RIMBP2: variants seen among roughly 807,000 people sequenced by gnomAD.
RIMBP2 encodes the protein RIMS binding protein 2, also known as RIMS-binding protein 2.
RIMBP2 carries 48 observed loss-of-function variants against 118.6 expected under a neutral mutation model. The observed-to-expected ratio is 0.40, with a 90% confidence interval of 0.32 to 0.51. The LOEUF is 0.51. Among genes scored for constraint, RIMBP2 ranks in the 20% least tolerant of loss-of-function variants. The pLI is 0.41. For synonymous variants in RIMBP2, 762 were observed against 742.9 expected (o/e 1.03, Z -0.42); for missense variants, 1,551 against 1,768.3 (o/e 0.88, Z 2.20).
chr12:130,604,303 A>G (rs1489644885), intron 2 of RIMBP2, among the ~76,000 whole-genome samples: 2 of 151,780 alleles, frequency 1.3e-5, no homozygotes, highest in Non-Finnish European at 2.9e-5. Flanking sequence ...AAAAAAAAAA[A>G]AAAAACCTCA....
intron 1 of RIMBP2, among the ~76,000 whole-genome samples, chr12:130,666,363 A>G (rs2063916211): frequency 6.6e-6 from 1 of 152,104 alleles, no homozygotes; most frequent in Non-Finnish European, 1.5e-5. Context: ...TTACCCACCA[A>G]TGCCACTGAT....
chr12:130,453,084 CA>C (rs1298953095), intron 7 of RIMBP2, among the ~76,000 whole-genome samples: 1 of 152,096 alleles, frequency 6.6e-6, no homozygotes, highest in South Asian at 2.1e-4. Context: ...AAATATAGGT[CA>C]AAAAAATGTT....
At chr12:130,409,110 T>C (rs182492267) in intron 19 of RIMBP2, among the ~76,000 whole-genome samples, 227 of 152,312 alleles carry the variant, frequency 1.5e-3, no homozygotes, top group African/African-American at 5.3e-3. Context: ...CATGTACTTC[T>C]CACTGAAGTC....
chr12:130,435,005 G>A, intron 13 of RIMBP2, 125 bp from the exon 14 acceptor site: 1 of 1,008,544 alleles, frequency 9.9e-7, no homozygotes, highest in Non-Finnish European at 1.4e-6. Context: ...ACAGTGCTTT[G>A]GGCCCAGCTC....
intron 7 of RIMBP2, among the ~76,000 whole-genome samples, chr12:130,453,933 A>G (rs529707709): frequency 1.3e-5 from 2 of 152,288 alleles, no homozygotes; most frequent in Non-Finnish European, 2.9e-5. Context: ...GCACACCTGT[A>G]ATCCCAGCTA....
intron 4 of RIMBP2, among the ~76,000 whole-genome samples, chr12:130,495,745 C>T (rs902109756): frequency 4.6e-5 from 7 of 152,148 alleles, no homozygotes; most frequent in Admixed American, 4.6e-4. Context: ...GATCACTAAC[C>T]TCTCCAGCAC....
chr12:130,440,721 G>A (rs747576576), intron 11 of RIMBP2, among the ~76,000 whole-genome samples: 1 of 152,194 alleles, frequency 6.6e-6, no homozygotes, highest in Non-Finnish European at 1.5e-5. Context: ...ATAAAATGTC[G>A]TCGTGTAACA....
intron 1 of RIMBP2, among the ~76,000 whole-genome samples, chr12:130,694,020 T>A (rs1049284537): frequency 6.6e-6 from 1 of 152,232 alleles, no homozygotes; most frequent in Non-Finnish European, 1.5e-5. Flanking sequence ...GATTCCTGCA[T>A]CCGAACTTCC....
chr12:130,654,660 A>G (rs1179810126), intron 1 of RIMBP2, among the ~76,000 whole-genome samples: 10 of 152,080 alleles, frequency 6.6e-5, no homozygotes, highest in Non-Finnish European at 1.3e-4. Context: ...CTCTGTACCA[A>G]TTTTCCATGT....
chr12:130,714,402 T>C (rs2695859), intron 1 of RIMBP2, among the ~76,000 whole-genome samples: 83,461 of 152,126 alleles, frequency 0.55, 23,015 homozygotes, highest in Admixed American at 0.61. Context: ...GGCTTGGGGT[T>C]CTCTGCCGGG....
chr12:130,524,288 T>G (rs978861655), intron 2 of RIMBP2, among the ~76,000 whole-genome samples: 1 of 152,132 alleles, frequency 6.6e-6, no homozygotes, highest in African/African-American at 2.4e-5. Context: ...CTCTTCTTTG[T>G]CCTCTACCTG....
At chr12:130,498,280 C>T (rs1437313053) in intron 4 of RIMBP2, among the ~76,000 whole-genome samples, 3 of 152,234 alleles carry the variant, frequency 2.0e-5, no homozygotes, top group African/African-American at 7.2e-5. Context: ...CAGTGCCGGT[C>T]GGTTCAGCGA....
chr12:130,599,119 C>T (rs2059723843), intron 2 of RIMBP2, among the ~76,000 whole-genome samples: 1 of 152,170 alleles, frequency 6.6e-6, no homozygotes, highest in African/African-American at 2.4e-5. Context: ...ACTTCAACAT[C>T]CTTCACATCA....
chr12:130,424,034 A>G lies in RIMBP2; in HGVS notation c.3129+108T>C. On this transcript the variant is annotated intron_variant, in intron 16 of 22. Coordinates refer to ENST00000690449, the MANE Select transcript of RIMBP2 (RefSeq NM_001393629.1). The surrounding 1 kb of genome is among the most constrained non-coding windows in gnomAD (Gnocchi z 9.8). The stretch of plus-strand genomic sequence containing the variant: ...AATGCAGGGAAAACGAAAGACAGCC[A>G]GCAAGAGAGTCCCCAGGGATGGACA... 1.8e-6 allele frequency: 1 copy of G among 549,006 alleles called. No individual in the cohort carries two copies. Among genetic ancestry groups the G allele is most frequent in the Non-Finnish European group, 2.7e-6 (1 of 364,140 alleles). The allele number at this position is 549,006 out of a possible 1,614,324, so 34.0% of individuals were successfully genotyped here.
At chr12:130,408,000 G>A (rs1472507043) in intron 19 of RIMBP2, among the ~76,000 whole-genome samples, 171 bp from the exon 20 acceptor site, 1 of 152,132 alleles carries the variant, frequency 6.6e-6, no homozygotes, top group Non-Finnish European at 1.5e-5. Context: ...TTGGGTCAGT[G>A]GTCTGGGACT....
rs191519257 is a variant in RIMBP2 at position 130,476,055 on chromosome 12, G to A, written c.102+2857C>T. 6.0e-4 allele frequency among the ~76,000 whole-genome samples: 92 copies of A among 152,246 alleles called. 1 individual carries two copies. The highest frequency in any genetic ancestry group is 3.6e-3 in the Admixed American group (55 of 15,308). On this transcript the variant is annotated intron_variant, in intron 5 of 22. Transcript: ENST00000690449. The stretch of plus-strand genomic sequence containing the variant: ...GAGACAGTGAGTATAGACTGAGAAG[G>A]GATGTGACTTCAGGACTGAGTCTTA...
intron 4 of RIMBP2, among the ~76,000 whole-genome samples, chr12:130,492,786 C>A (rs1425307128): frequency 6.6e-6 from 1 of 152,174 alleles, no homozygotes; most frequent in Non-Finnish European, 1.5e-5. Context: ...ACAAAAAATA[C>A]CGTCCTTCCT....
rs145488985 is a variant in RIMBP2 at position 130,442,446 on chromosome 12, C to T, written c.906G>A (p.Leu302=). Residue 302 remains leucine (L), a synonymous_variant, in exon 11 of 23, where the codon CTG becomes CTA. Transcript: ENST00000690449. This position sits in a 1 kb window ranked among gnomAD's most constrained non-coding sequence, Gnocchi z 6.9. ...CTCCGATGTCGTCGATGTTCACGTCCAGGGTCCCGGCACTGTTGTCGGTGA... is the reference window on the plus strand; with the variant it reads ...CTCCGATGTCGTCGATGTTCACGTCTAGGGTCCCGGCACTGTTGTCGGTGA... ...AGITDNSAGT[L]DVNIDDIGED... is the part of the protein sequence containing the mutation. The T allele has an allele frequency of 5.6e-6, 9 of 1,614,032 alleles. No individual in the cohort carries two copies. Among genetic ancestry groups the T allele is most frequent in the Admixed American group, 1.7e-5 (1 of 60,000 alleles).
At chr12:130,691,270 T>C (rs771344716) in intron 1 of RIMBP2, among the ~76,000 whole-genome samples, 5 of 152,126 alleles carry the variant, frequency 3.3e-5, no homozygotes, top group Non-Finnish European at 7.4e-5. Flanking sequence ...TGGGAGTCAG[T>C]GAAGGCCCAG....
Sources: allele counts gnomAD v4.1 joint callset (sites outside exome capture counted in the v4.1 genomes callset), GRCh38; gene constraint gnomAD v4.1.1; non-coding constraint Gnocchi (gnomAD v3.1); transcripts MANE v1.5; gene names NCBI Gene and HGNC (gene_info 2026-07-23, HGNC 2026-07-21).